Variants in PHACTR1 observed in about 807,000 individuals in gnomAD.
PHACTR1 encodes the protein RPEL repeat containing 1.
Under a neutral mutation model 69.2 loss-of-function variants are expected in PHACTR1, and 16 were observed. The ratio of observed to expected loss-of-function variants is 0.23; its 90% confidence interval spans 0.16 to 0.35. The LOEUF (loss-of-function observed/expected upper bound fraction) is 0.35, where lower values mean the gene tolerates loss of function less well. Ranked by LOEUF, PHACTR1 falls within the 10% of genes least tolerant of loss-of-function variation. PHACTR1 has a pLI of 1.00. For synonymous variants in PHACTR1, 312 were observed against 284.5 expected (o/e 1.10, Z -0.97); for missense variants, 510 against 734.7 (o/e 0.69, Z 3.54).
intron 4 of PHACTR1, among the ~76,000 whole-genome samples, chr6:12,765,459 A>G (rs1304086515): frequency 1.3e-5 from 2 of 152,232 alleles, no homozygotes; most frequent in Non-Finnish European, 2.9e-5. Flanking sequence ...GAATGAAGGA[A>G]TGCATGAGGG....
intron 5 of PHACTR1, among the ~76,000 whole-genome samples, chr6:13,134,677 A>C (rs1009864558): frequency 2.0e-5 from 3 of 151,978 alleles, no homozygotes; most frequent in African/African-American, 4.8e-5. Context: ...GGTCCTCTGC[A>C]TAGGAAAACC....
At chr6:13,007,438 T>C (rs1241334132) in intron 4 of PHACTR1, among the ~76,000 whole-genome samples, 1 of 152,184 alleles carries the variant, frequency 6.6e-6, no homozygotes. Context: ...AACCTCTACC[T>C]AATCTGTCCC....
intron 4 of PHACTR1, among the ~76,000 whole-genome samples, chr6:12,994,245 A>G (rs1797146466): frequency 6.6e-6 from 1 of 152,216 alleles, no homozygotes; most frequent in Non-Finnish European, 1.5e-5. Context: ...AAAATATGAT[A>G]TATTAGGTGA....
At chr6:12,787,582 A>G (rs1418861128) in intron 4 of PHACTR1, among the ~76,000 whole-genome samples, 1 of 152,226 alleles carries the variant, frequency 6.6e-6, no homozygotes, top group Non-Finnish European at 1.5e-5. Context: ...GACAAAAGTT[A>G]GGGAGACTAT....
At chr6:12,827,637 T>G (rs1003413324) in intron 4 of PHACTR1, among the ~76,000 whole-genome samples, 27 of 152,136 alleles carry the variant, frequency 1.8e-4, no homozygotes, top group Admixed American at 1.7e-3. Flanking sequence ...CAAATCCAAT[T>G]TACTAGGATT....
intron 8 of PHACTR1, among the ~76,000 whole-genome samples, chr6:13,222,731 T>G (rs1276586818): frequency 6.6e-6 from 1 of 152,212 alleles, no homozygotes; most frequent in Non-Finnish European, 1.5e-5. Context: ...GTCTGAAGAT[T>G]GTTTTGGCTG....
chr6:13,079,235 G>A (rs1180805188), intron 5 of PHACTR1, among the ~76,000 whole-genome samples: 8 of 152,098 alleles, frequency 5.3e-5, no homozygotes, highest in Admixed American at 3.9e-4. Context: ...GCTTACATGC[G>A]ATGGCTGGAG....
At chr6:13,216,386 C>T (rs1254709931) in intron 8 of PHACTR1, among the ~76,000 whole-genome samples, 1 of 152,172 alleles carries the variant, frequency 6.6e-6, no homozygotes, top group East Asian at 1.9e-4. Context: ...TAATGTTTCA[C>T]CTGCTAATTA....
intron 4 of PHACTR1, among the ~76,000 whole-genome samples, chr6:12,828,166 C>G (rs952428741): frequency 6.6e-5 from 10 of 152,078 alleles, no homozygotes; most frequent in African/African-American, 2.4e-4. Context: ...GCGTATGAGG[C>G]CAATGCATCA....
At chr6:12,954,878 A>G (rs1219827166) in intron 4 of PHACTR1, among the ~76,000 whole-genome samples, 1 of 152,178 alleles carries the variant, frequency 6.6e-6, no homozygotes, top group African/African-American at 2.4e-5. Flanking sequence ...CTAACCTCAA[A>G]ATGGCCATAT....
At chr6:12,957,811 C>T (rs939772847) in intron 4 of PHACTR1, 1 of 985,542 alleles carries the variant, frequency 1.0e-6, no homozygotes, top group Non-Finnish European at 1.2e-6. Context: ...TTCCATCCCA[C>T]GTGGGAGCTG....
chr6:12,736,557 TATC>T (rs1764278983), intron 3 of PHACTR1, among the ~76,000 whole-genome samples: 1 of 152,186 alleles, frequency 6.6e-6, no homozygotes, highest in Non-Finnish European at 1.5e-5. Context: ...CAAATATTAA[TATC>T]AATATTTGTC....
At chr6:13,007,130 C>T (rs1421025089) in intron 4 of PHACTR1, among the ~76,000 whole-genome samples, 1 of 152,182 alleles carries the variant, frequency 6.6e-6, no homozygotes, top group Non-Finnish European at 1.5e-5. Flanking sequence ...TTAGTGGCAT[C>T]ATGCTATAAA....
chr6:12,737,807 G>A (rs1764499823), intron 3 of PHACTR1, among the ~76,000 whole-genome samples: 1 of 151,966 alleles, frequency 6.6e-6, no homozygotes, highest in Admixed American at 6.6e-5. Flanking sequence ...TGTTGTACAG[G>A]CTGGTCTCAA....
chr6:13,268,616 C>CA (rs2127438000), intron 10 of PHACTR1, among the ~76,000 whole-genome samples: 1 of 152,342 alleles, frequency 6.6e-6, no homozygotes, highest in South Asian at 2.1e-4. Context: ...GAGAAAAGAG[C>CA]ATAGGCCTAG....
intron 4 of PHACTR1, among the ~76,000 whole-genome samples, chr6:13,014,155 C>T (rs932276247): frequency 1.3e-5 from 2 of 151,798 alleles, no homozygotes; most frequent in African/African-American, 4.8e-5. Flanking sequence ...TGCCGGGGCC[C>T]GTCGGGGCGG....
At chr6:12,818,147 C>T (rs1309302728) in intron 4 of PHACTR1, among the ~76,000 whole-genome samples, 1 of 152,096 alleles carries the variant, frequency 6.6e-6, no homozygotes, top group Non-Finnish European at 1.5e-5. Flanking sequence ...TTAGGGGAGC[C>T]AGGTGTGTAT....
intron 4 of PHACTR1, among the ~76,000 whole-genome samples, chr6:12,966,254 T>G (rs574821046): frequency 6.6e-6 from 1 of 152,208 alleles, no homozygotes; most frequent in South Asian, 2.1e-4. Flanking sequence ...GAGCACTCAC[T>G]GTGTTCTAAA....
At chr6:12,784,108 C>T (rs1771184129) in intron 4 of PHACTR1, among the ~76,000 whole-genome samples, 1 of 151,886 alleles carries the variant, frequency 6.6e-6, no homozygotes, top group South Asian at 2.1e-4. Flanking sequence ...CACCTACATA[C>T]ATACATGATG....
Sources: gnomAD v4.1 joint callset for allele counts (sites outside exome capture counted in the v4.1 genomes callset) on GRCh38, gnomAD v4.1.1 for gene constraint, MANE v1.5 for transcripts, NCBI Gene and HGNC (gene_info 2026-07-23, HGNC 2026-07-21) for gene names.